NTM: variants seen among roughly 807,000 people sequenced by gnomAD.
The protein encoded by NTM is IgLON family member 2.
A neutral mutation model predicts 42.1 loss-of-function variants in NTM; 13 were observed. The ratio of observed to expected loss-of-function variants is 0.31; its 90% CI spans 0.20 to 0.49. The LOEUF (loss-of-function observed/expected upper bound fraction) is 0.49, where lower values mean the gene tolerates loss of function less well. Ranked by LOEUF, NTM falls within the 20% of genes least tolerant of loss-of-function variation. NTM has a pLI of 0.99. For synonymous variants in NTM, 187 were observed against 179.2 expected, an observed-to-expected ratio of 1.04 and a Z score of -0.35; for missense variants, 373 against 452.8, an observed-to-expected ratio of 0.82 and a Z score of 1.60.
intron 1 of NTM, among the ~76,000 whole-genome samples, chr11:131,579,640 AG>A (rs1269147491): frequency 6.6e-6 from 1 of 151,572 alleles, no homozygotes; most frequent in Non-Finnish European, 1.5e-5. Flanking sequence ...CTGAAGGAAG[AG>A]TGGTTGATCC....
At chr11:131,588,453 T>C (rs2059074439) in intron 1 of NTM, among the ~76,000 whole-genome samples, 1 of 152,252 alleles carries the variant, frequency 6.6e-6, no homozygotes, top group Non-Finnish European at 1.5e-5. Context: ...TTTAAGTCAG[T>C]ACTAGTGTGC....
At chr11:132,103,873 T>C (rs1805371675) in intron 2 of NTM, among the ~76,000 whole-genome samples, 1 of 152,138 alleles carries the variant, frequency 6.6e-6, no homozygotes, top group African/African-American at 2.4e-5. Flanking sequence ...CAACAGAGGG[T>C]GGGCAAATGC....
At chr11:131,893,171 A>G (rs1415142079) in intron 1 of NTM, among the ~76,000 whole-genome samples, 1 of 152,178 alleles carries the variant, frequency 6.6e-6, no homozygotes, top group East Asian at 1.9e-4. Flanking sequence ...AATGTGCACT[A>G]GTGTATCAAT....
intron 1 of NTM, among the ~76,000 whole-genome samples, chr11:131,876,856 A>T (rs1276215579): frequency 6.6e-6 from 1 of 151,898 alleles, no homozygotes; most frequent in Non-Finnish European, 1.5e-5. Flanking sequence ...AACACAAAGC[A>T]TAACTTTTTT....
chr11:132,163,843 C>A (rs2137684592), intron 3 of NTM, among the ~76,000 whole-genome samples: 1 of 152,218 alleles, frequency 6.6e-6, no homozygotes, highest in Non-Finnish European at 1.5e-5. Context: ...TTGAGGTCCT[C>A]CTCAGAAATT....
chr11:132,193,473 GA>G lies in NTM; in HGVS notation c.401-18540del, dbSNP rs372725669. ...ACAATTTTCGAAACTAACAAAAATG[GA>G]AAAAAAAATAGATCAGAATATTTGG... On this transcript the variant is annotated intron_variant, in intron 3 of 8. Transcript: ENST00000683400. 3.8e-3 allele frequency among the ~76,000 whole-genome samples: 563 copies of G among 149,386 alleles called. 9 individuals carry two copies. Among genetic ancestry groups the G allele is most frequent in the African/African-American group, 0.013 (521 of 40,816 alleles).
At chr11:132,228,783 C>T (rs2086846960) in intron 4 of NTM, among the ~76,000 whole-genome samples, 1 of 152,170 alleles carries the variant, frequency 6.6e-6, no homozygotes, top group South Asian at 2.1e-4. Context: ...CTCTCTGCAT[C>T]ACCAGTTTCC....
At chr11:131,704,827 C>T (rs996967334) in intron 1 of NTM, among the ~76,000 whole-genome samples, 1 of 152,092 alleles carries the variant, frequency 6.6e-6, no homozygotes, top group Non-Finnish European at 1.5e-5. Flanking sequence ...ACTGACTGAA[C>T]TGAAAAGTTC....
chr11:131,773,139 C>G (rs1048230455), intron 1 of NTM, among the ~76,000 whole-genome samples: 9 of 152,146 alleles, frequency 5.9e-5, no homozygotes. Flanking sequence ...GGTCAAGGTG[C>G]CAGCAGGTCA....
chr11:132,230,693 G>A (rs1010163742), intron 4 of NTM, among the ~76,000 whole-genome samples: 4 of 152,208 alleles, frequency 2.6e-5, no homozygotes, highest in Admixed American at 6.5e-5. Context: ...GATTATATGA[G>A]GTAACTCATG....
intron 4 of NTM, among the ~76,000 whole-genome samples, chr11:132,214,528 CT>C (rs2083458959): frequency 3.3e-5 from 5 of 152,092 alleles, no homozygotes; most frequent in Non-Finnish European, 5.9e-5. Flanking sequence ...TGTTGTTGTT[CT>C]ATGCTTTGGC....
At chr11:131,486,390 G>A (rs1954179181) in intron 1 of NTM, among the ~76,000 whole-genome samples, 1 of 152,140 alleles carries the variant, frequency 6.6e-6, no homozygotes, top group Admixed American at 6.5e-5. Flanking sequence ...GTGCTGCTTG[G>A]TCACTCAGCT....
At chr11:131,823,710 C>T (rs993074648) in intron 1 of NTM, among the ~76,000 whole-genome samples, 7 of 152,120 alleles carry the variant, frequency 4.6e-5, no homozygotes, top group Non-Finnish European at 1.0e-4. Flanking sequence ...TTCTAATTAC[C>T]TCAATGTGCA....
At chr11:132,207,415 T>A (rs2082156962) in intron 3 of NTM, among the ~76,000 whole-genome samples, 2 of 152,184 alleles carry the variant, frequency 1.3e-5, no homozygotes. Flanking sequence ...GACCCCCTAG[T>A]TGCAGGAAAA....
At chr11:132,323,976 C>T (rs1342966829) in intron 7 of NTM, among the ~76,000 whole-genome samples, 4 of 147,004 alleles carry the variant, frequency 2.7e-5, no homozygotes, top group East Asian at 3.9e-4. Flanking sequence ...AATTCAACAA[C>T]CCTTCATGCT....
chr11:132,014,181 T>A (rs1405973207), intron 2 of NTM, among the ~76,000 whole-genome samples: 1 of 152,074 alleles, frequency 6.6e-6, no homozygotes, highest in African/African-American at 2.4e-5. Flanking sequence ...TCACTGAACA[T>A]AATGACCTCC....
chr11:131,759,811 T>G (rs1427310787), intron 1 of NTM, among the ~76,000 whole-genome samples: 3 of 152,182 alleles, frequency 2.0e-5, no homozygotes, highest in Non-Finnish European at 4.4e-5. Context: ...CAGAATCCAT[T>G]GAAATCTTGA....
chr11:131,401,834 A>ATATACATATATATATATATATGTG (rs1945244478), intron 1 of NTM, among the ~76,000 whole-genome samples: 1 of 86,274 alleles, frequency 1.2e-5, no homozygotes, highest in Non-Finnish European at 2.5e-5. Flanking sequence ...ATATATATAT[A>ATATACATATATATATATATATGTG]TATATATATA....
chr11:132,123,957 G>A (rs1018975996), intron 2 of NTM, among the ~76,000 whole-genome samples: 26 of 152,172 alleles, frequency 1.7e-4, no homozygotes, highest in African/African-American at 5.5e-4. Flanking sequence ...ACCGTCAGTA[G>A]GATCCAGTGC....
Sources: allele counts gnomAD v4.1 joint callset (sites outside exome capture counted in the v4.1 genomes callset), GRCh38; gene constraint gnomAD v4.1.1; transcripts MANE v1.5; gene names NCBI Gene and HGNC (gene_info 2026-07-23, HGNC 2026-07-21).